OPCML: variants seen among roughly 807,000 people sequenced by gnomAD.
OPCML encodes the protein opioid binding protein/cell adhesion molecule like.
In OPCML, 13 loss-of-function variants were observed where a neutral mutation model predicts 37.8. That is an observed-to-expected ratio of 0.34 (90% CI 0.22 to 0.55). OPCML has a LOEUF of 0.55. Among genes scored for constraint, OPCML ranks in the 20% least tolerant of loss-of-function variants. OPCML has a pLI of 0.91. For synonymous variants in OPCML, 176 were observed against 168.8 expected (o/e 1.04, Z -0.33); for missense variants, 341 against 435.6 (o/e 0.78, Z 1.93).
intron 4 of OPCML, 147 bp from the exon 5 acceptor site, chr11:132,437,506 G>A: frequency 6.9e-7 from 1 of 1,456,252 alleles, no homozygotes; most frequent in Non-Finnish European, 9.0e-7. Flanking sequence ...AGGGCATCAT[G>A]TTGCTCAAAA....
At position 132,986,615 on chromosome 11, in the gene OPCML, T is replaced by C. The variant is rs140447999; in HGVS notation, c.62-43605A>G. 3.7e-4 allele frequency among the ~76,000 whole-genome samples: 57 copies of C among 152,244 alleles called. No individual in the cohort carries two copies. The East Asian group carries it at 8.9e-3, about 24-fold the overall frequency. On this transcript the variant is annotated intron_variant, in intron 1 of 7. Coordinates refer to ENST00000524381, the MANE Select transcript of OPCML (RefSeq NM_001012393.5). ...TGAAATCAAGGAATCCTCGAACAAA[T>C]AAATAATTTGGAAATAATTGGAAAA...
At chr11:132,737,465 T>A (rs1382319430) in intron 2 of OPCML, among the ~76,000 whole-genome samples, 1 of 152,222 alleles carries the variant, frequency 6.6e-6, no homozygotes, top group Non-Finnish European at 1.5e-5. Flanking sequence ...TGAGAATGAT[T>A]ATATAACTAG....
chr11:133,031,635 G>C (rs1012947026), intron 1 of OPCML, among the ~76,000 whole-genome samples: 12 of 152,030 alleles, frequency 7.9e-5, no homozygotes, highest in African/African-American at 2.9e-4. Context: ...TGGATGGATG[G>C]GTGGATGGGA....
chr11:132,823,393 A>T (rs530529938), intron 2 of OPCML, among the ~76,000 whole-genome samples: 124 of 152,250 alleles, frequency 8.1e-4, no homozygotes, highest in African/African-American at 2.9e-3. Flanking sequence ...TTGCTAAAAA[A>T]GTTGATGTCT....
chr11:133,311,202 T>C (rs1943060333), intron 1 of OPCML, among the ~76,000 whole-genome samples: 1 of 152,208 alleles, frequency 6.6e-6, no homozygotes, highest in Non-Finnish European at 1.5e-5. Context: ...AAGCATTGCT[T>C]TGGATTTCTA....
intron 1 of OPCML, among the ~76,000 whole-genome samples, chr11:133,290,695 G>T (rs1441092132): frequency 1.3e-5 from 2 of 152,212 alleles, no homozygotes; most frequent in Admixed American, 6.5e-5. Context: ...CACCCCAGAA[G>T]CCCAGGAGCC....
At chr11:132,896,915 C>T (rs1943872486) in intron 2 of OPCML, among the ~76,000 whole-genome samples, 1 of 152,182 alleles carries the variant, frequency 6.6e-6, no homozygotes, top group African/African-American at 2.4e-5. Flanking sequence ...GTGTATCTGG[C>T]TCGTCCTACA....
intron 1 of OPCML, among the ~76,000 whole-genome samples, chr11:133,243,814 G>A (rs1297929890): frequency 5.3e-5 from 8 of 152,326 alleles, no homozygotes; most frequent in South Asian, 2.1e-4. Flanking sequence ...CAGCACAGTC[G>A]GAAAAGCAAC....
chr11:133,346,291 G>T (rs73602437), intron 1 of OPCML, among the ~76,000 whole-genome samples: 1 of 152,156 alleles, frequency 6.6e-6, no homozygotes, highest in Non-Finnish European at 1.5e-5. Context: ...TCATCCCCAG[G>T]CAGTGCAGCA....
chr11:133,096,790 G>T, intron 1 of OPCML, among the ~76,000 whole-genome samples: 1 of 152,006 alleles, frequency 6.6e-6, no homozygotes, highest in Non-Finnish European at 1.5e-5. Context: ...AGTCATCAGA[G>T]ATAGAGATGG....
chr11:132,774,805 T>G (rs1045952043), intron 2 of OPCML, among the ~76,000 whole-genome samples: 2 of 152,244 alleles, frequency 1.3e-5, no homozygotes, highest in Non-Finnish European at 2.9e-5. Flanking sequence ...TCATCAGGGC[T>G]GTGCATACAG....
intron 2 of OPCML, among the ~76,000 whole-genome samples, chr11:132,887,859 G>A (rs1591757700): frequency 1.3e-5 from 2 of 152,312 alleles, no homozygotes; most frequent in East Asian, 1.9e-4. Flanking sequence ...CCTAAGCTGT[G>A]CCATGTGAAA....
At chr11:133,245,564 C>T (rs1940890716) in intron 1 of OPCML, among the ~76,000 whole-genome samples, 2 of 152,120 alleles carry the variant, frequency 1.3e-5, no homozygotes, top group South Asian at 4.1e-4. Context: ...GAGTTAAGGC[C>T]TTCCTGAGAC....
chr11:133,353,404 C>T (rs1944186855), intron 1 of OPCML, among the ~76,000 whole-genome samples: 1 of 152,100 alleles, frequency 6.6e-6, no homozygotes. Context: ...AGGTGATCCA[C>T]CCTCCTTGGC....
In OPCML at chr11:133,439,155, G is replaced by A. The variant is rs531460976; in HGVS notation, c.61+93109C>T. 8 of 346,658 alleles carry A rather than the reference G, an allele frequency of 2.3e-5. No individual in the cohort carries two copies. The South Asian group carries it at 9.2e-4, about 40-fold the overall frequency. 21.5% of individuals were successfully genotyped at this position (346,658 alleles called of 1,614,324 possible). A position where few individuals can be genotyped will look rare whatever the true frequency, so the allele number is the denominator to read the frequency against. The stretch of plus-strand genomic sequence containing the variant: ...GGTCAGAAGTATGGTGGAAACCTGG[G>A]ACTTGTGATTGGCACCCGAAGTGGG... On this transcript the variant is annotated intron_variant, in intron 1 of 7. Coordinates refer to ENST00000524381, the MANE Select transcript of OPCML (RefSeq NM_001012393.5).
chr11:132,638,999 G>T (rs1306702879), intron 3 of OPCML, among the ~76,000 whole-genome samples: 1 of 152,112 alleles, frequency 6.6e-6, no homozygotes, highest in African/African-American at 2.4e-5. Context: ...TACAGATACT[G>T]GAGCAGTTTT....
chr11:132,698,733 G>T (rs1461165568), intron 2 of OPCML, among the ~76,000 whole-genome samples: 1 of 151,870 alleles, frequency 6.6e-6, no homozygotes, highest in Non-Finnish European at 1.5e-5. Flanking sequence ...TCTTTTTGAT[G>T]GTTTTCTTCT....
chr11:133,257,941 C>T (rs1328747020), intron 1 of OPCML, among the ~76,000 whole-genome samples: 1 of 151,668 alleles, frequency 6.6e-6, no homozygotes, highest in Admixed American at 6.6e-5. Context: ...ACCATTAAAT[C>T]TATCGATGAC....
intron 1 of OPCML, among the ~76,000 whole-genome samples, chr11:133,182,211 T>G (rs1396332413): frequency 1.3e-5 from 2 of 152,226 alleles, no homozygotes; most frequent in East Asian, 1.9e-4. Flanking sequence ...AGTCTTCCTT[T>G]GCAAGATGTT....
Sources: allele counts gnomAD v4.1 joint callset (sites outside exome capture counted in the v4.1 genomes callset), GRCh38; gene constraint gnomAD v4.1.1; transcripts MANE v1.5; gene names NCBI Gene and HGNC (gene_info 2026-07-23, HGNC 2026-07-21).